The following TMCO4 variants were observed in gnomAD, a reference collection of about 807,000 sequenced individuals.
TMCO4 encodes the protein transmembrane and coiled-coil domain-containing protein 4.
Under a neutral mutation model 64.7 loss-of-function variants are expected in TMCO4, and 58 were observed. The observed-to-expected ratio is 0.90, with a 90% CI of 0.73 to 1.12. The LOEUF (loss-of-function observed/expected upper bound fraction) is 1.12, where lower values mean the gene tolerates loss of function less well. Among genes scored for constraint, TMCO4 ranks in the 50% most tolerant of loss-of-function variants. The pLI is 0.00. For missense variants in TMCO4, 780 were observed against 825.9 expected, an observed-to-expected ratio of 0.94 and a Z score of 0.68; for synonymous variants, 325 against 346.1, an observed-to-expected ratio of 0.94 and a Z score of 0.68.
At chr1:19,687,713 T>C (rs1052079361) in intron 15 of TMCO4, among the ~76,000 whole-genome samples, 3 of 152,194 alleles carry the variant, frequency 2.0e-5, no homozygotes, top group African/African-American at 7.2e-5. Context: ...CTATACCTTT[T>C]TAATGTTGTA....
intron 13 of TMCO4, among the ~76,000 whole-genome samples, chr1:19,715,933 G>A (rs904550807): frequency 4.6e-5 from 7 of 152,160 alleles, no homozygotes; most frequent in African/African-American, 1.4e-4. Flanking sequence ...GCCCCTCCCT[G>A]GAGTCCCTGA....
At chr1:19,706,698 G>A (rs2095304886) in intron 13 of TMCO4, among the ~76,000 whole-genome samples, 1 of 152,124 alleles carries the variant, frequency 6.6e-6, no homozygotes, top group Non-Finnish European at 1.5e-5. Flanking sequence ...GCAGTAGTTG[G>A]AAAAGCTTCA....
Position 19,682,977 on chromosome 1 carries a change from C to T in TMCO4, c.*63G>A, listed in dbSNP as rs559968078. 50 of 1,517,198 alleles carry T rather than the reference C, an allele frequency of 3.3e-5. No individual in the cohort carries two copies. In the East Asian group the frequency reaches 8.8e-4, roughly 27 times the overall value. 94.0% of individuals were successfully genotyped at this position (1,517,198 alleles called of 1,614,324 possible). The stretch of plus-strand genomic sequence containing the variant: ...ACCTCCAGAGCTCCTGGGAGGAACC[C>T]GAGGGTATAAGAGAGAGCTGCATAT... On this transcript the variant is annotated 3_prime_UTR_variant, in exon 16 of 16. Transcript: ENST00000294543.
At chr1:19,776,296 C>T (rs190479058) in intron 4 of TMCO4, among the ~76,000 whole-genome samples, 1 of 152,282 alleles carries the variant, frequency 6.6e-6, no homozygotes, top group East Asian at 1.9e-4. Context: ...GGGAAACATT[C>T]GAGAAGGAAA....
At chr1:19,705,138 A>G (rs1340241251) in intron 13 of TMCO4, among the ~76,000 whole-genome samples, 1 of 152,096 alleles carries the variant, frequency 6.6e-6, no homozygotes, top group African/African-American at 2.4e-5. Context: ...GGAAGAACTG[A>G]CTTGAGCCAC....
intron 15 of TMCO4, among the ~76,000 whole-genome samples, chr1:19,693,953 G>T (rs1266107006): frequency 6.6e-6 from 1 of 152,194 alleles, no homozygotes; most frequent in Non-Finnish European, 1.5e-5. Context: ...GAGGGCTCTG[G>T]AGGTTCAAAT....
intron 7 of TMCO4, 58 bp from the exon 8 acceptor site, chr1:19,747,318 C>A: frequency 2.8e-6 from 4 of 1,425,410 alleles, no homozygotes; most frequent in Admixed American, 3.4e-5. Context: ...CTTGAGACAT[C>A]CCCACCACAC....
At chr1:19,721,765 G>A (rs1370261780) in intron 13 of TMCO4, among the ~76,000 whole-genome samples, 1 of 151,982 alleles carries the variant, frequency 6.6e-6, no homozygotes, top group Non-Finnish European at 1.5e-5. Context: ...CTCCAGCCTG[G>A]GTGACAGAGG....
intron 13 of TMCO4, among the ~76,000 whole-genome samples, chr1:19,705,972 C>T (rs1294282735): frequency 1.3e-5 from 2 of 152,004 alleles, no homozygotes; most frequent in African/African-American, 4.8e-5. Context: ...GCAATTGTGG[C>T]TCACTGCAGC....
At chr1:19,785,917 G>C (rs780275024) in intron 3 of TMCO4, among the ~76,000 whole-genome samples, 1 of 152,188 alleles carries the variant, frequency 6.6e-6, no homozygotes, top group Non-Finnish European at 1.5e-5. Context: ...GCTGGGTGGA[G>C]AGGTATTCCT....
At chr1:19,771,504 G>C (rs771677030) in intron 4 of TMCO4, 22 bp from the exon 5 acceptor site, 2 of 1,610,456 alleles carry the variant, frequency 1.2e-6, no homozygotes, top group South Asian at 1.1e-5. Flanking sequence ...ACATGGCTTA[G>C]TTCTCCAGGA....
intron 11 of TMCO4, 86 bp downstream of exon 11, chr1:19,740,691 C>G: frequency 6.8e-7 from 1 of 1,468,586 alleles, no homozygotes; most frequent in Non-Finnish European, 9.3e-7. Flanking sequence ...GCCCTGGGGG[C>G]TTTGGGCATG....
chr1:19,781,868 C>T (rs956165894), intron 3 of TMCO4, among the ~76,000 whole-genome samples: 3 of 152,200 alleles, frequency 2.0e-5, no homozygotes, highest in Non-Finnish European at 4.4e-5. Flanking sequence ...GGATGGTCTC[C>T]ATCTCCTGAC....
intron 13 of TMCO4, chr1:19,701,343 T>C (rs564323056): frequency 9.8e-5 from 15 of 152,604 alleles, no homozygotes; most frequent in Admixed American, 9.2e-4. Context: ...GCTAATTTTT[T>C]GTATTTTTAG....
chr1:19,683,758 CTTTTTTTTTTTTTTTTTTTTT>C (rs531431284), intron 15 of TMCO4, among the ~76,000 whole-genome samples: 1 of 79,050 alleles, frequency 1.3e-5, no homozygotes, highest in South Asian at 5.3e-4. Context: ...TTGTCTGAAG[CTTTTTTTTTTTTTTTTTTTTT>C]TTTTTTTTTG....
intron 15 of TMCO4, among the ~76,000 whole-genome samples, chr1:19,685,605 G>A (rs1185692653): frequency 2.0e-5 from 3 of 152,004 alleles, no homozygotes; most frequent in Non-Finnish European, 4.4e-5. Flanking sequence ...GCTAGGTGTC[G>A]GCTGCTCACT....
intron 6 of TMCO4, among the ~76,000 whole-genome samples, chr1:19,761,309 G>A (rs1157334517): frequency 6.6e-6 from 1 of 152,202 alleles, no homozygotes; most frequent in Non-Finnish European, 1.5e-5. Context: ...GCCCGCCCAT[G>A]CTTCCAGCCT....
chr1:19,741,161 G>A (rs1028299965), intron 10 of TMCO4, among the ~76,000 whole-genome samples: 1 of 152,240 alleles, frequency 6.6e-6, no homozygotes, highest in African/African-American at 2.4e-5. Context: ...GCATTCACTA[G>A]AAGCCAGGTG....
At chr1:19,761,532 C>A (rs1352709234) in intron 6 of TMCO4, among the ~76,000 whole-genome samples, 2 of 152,224 alleles carry the variant, frequency 1.3e-5, no homozygotes, top group Non-Finnish European at 2.9e-5. Flanking sequence ...TTCCTCCTCA[C>A]AAGGAGAGAC....
Sources: gnomAD v4.1 joint callset for allele counts (sites outside exome capture counted in the v4.1 genomes callset) on GRCh38, gnomAD v4.1.1 for gene constraint, MANE v1.5 for transcripts, NCBI Gene and HGNC (gene_info 2026-07-23, HGNC 2026-07-21) for gene names.